Variants in SPECC1L observed in about 807,000 individuals in gnomAD.
SPECC1L encodes the protein sperm antigen with calponin homology and coiled-coil domains 1 like, also known as cytospin-A.
In SPECC1L, 40 loss-of-function variants were observed where a neutral mutation model predicts 116.8. That is an observed-to-expected ratio of 0.34 (90% CI 0.27 to 0.45). The LOEUF is 0.45. Among genes scored for constraint, SPECC1L ranks in the 20% least tolerant of loss-of-function variants. The pLI is 1.00. For synonymous variants in SPECC1L, 504 were observed against 500.6 expected (o/e 1.01, Z -0.09); for missense variants, 1,110 against 1,373.6 (o/e 0.81, Z 3.03).
At chr22:24,345,082 G>T (rs2041262761) in intron 10 of SPECC1L, among the ~76,000 whole-genome samples, 2 of 152,084 alleles carry the variant, frequency 1.3e-5, no homozygotes, top group African/African-American at 2.4e-5. Flanking sequence ...GTTGTGGTCG[G>T]GGGGGTGCGG....
chr22:24,354,352 G>T (rs1334036507), intron 11 of SPECC1L, among the ~76,000 whole-genome samples: 1 of 152,090 alleles, frequency 6.6e-6, no homozygotes, highest in African/African-American at 2.4e-5. Context: ...TTCAGTGGTG[G>T]TTTTCTATTT....
intron 4 of SPECC1L, among the ~76,000 whole-genome samples, chr22:24,317,105 C>T (rs1452170656): frequency 8.7e-6 from 1 of 115,466 alleles, no homozygotes; most frequent in African/African-American, 3.1e-5. Flanking sequence ...CCACCTCCCT[C>T]CTGGACGGGG....
At chr22:24,323,207 C>T (rs2040754327) in intron 5 of SPECC1L, 2 of 677,264 alleles carry the variant, frequency 3.0e-6, no homozygotes, top group African/African-American at 1.9e-5. Flanking sequence ...TCTGAGTATT[C>T]CTATGGAGCG....
chr22:24,398,770 C>G (rs573583299), intron 14 of SPECC1L, among the ~76,000 whole-genome samples: 70 of 152,244 alleles, frequency 4.6e-4, no homozygotes, highest in African/African-American at 1.7e-3. Flanking sequence ...AGTTTCTCCT[C>G]AAACAATCCA....
chr22:24,293,706 G>GTCATACT (rs1478413567), intron 2 of SPECC1L, among the ~76,000 whole-genome samples: 2 of 141,932 alleles, frequency 1.4e-5, no homozygotes, highest in Non-Finnish European at 3.1e-5. Flanking sequence ...CGAGGTGCCT[G>GTCATACT]TCATACTTTG....
intron 6 of SPECC1L, among the ~76,000 whole-genome samples, chr22:24,325,234 C>T (rs1186849328): frequency 6.6e-6 from 1 of 152,178 alleles, no homozygotes; most frequent in Non-Finnish European, 1.5e-5. Flanking sequence ...GTGTCCCTCA[C>T]AGTAGGAACA....
chr22:24,411,878 C>T (rs2042705829), intron 15 of SPECC1L, among the ~76,000 whole-genome samples, 174 bp downstream of exon 15: 1 of 152,270 alleles, frequency 6.6e-6, no homozygotes, highest in South Asian at 2.1e-4. Context: ...AGTCCCTGTC[C>T]CACCTTGTGT....
Position 24,367,233 on chromosome 22 carries a change from T to C in SPECC1L, c.2984+1601T>C, listed in dbSNP as rs1247755085. Among the ~76,000 whole-genome samples the C allele has an allele frequency of 5.9e-5, 9 of 152,224 alleles. No homozygotes were observed. The East Asian group carries it at 9.6e-4, about 16-fold the overall frequency. On this transcript the variant is annotated intron_variant, in intron 13 of 16. Coordinates refer to ENST00000314328, the MANE Select transcript of SPECC1L (RefSeq NM_015330.6). ...TATGTTGAGCCGTGACAAGTTTTTG[T>C]TTGTTTTTTGTTTTTGATGTGCCTT...
intron 14 of SPECC1L, among the ~76,000 whole-genome samples, chr22:24,375,465 C>T (rs571627030): frequency 6.5e-4 from 99 of 152,246 alleles, no homozygotes; most frequent in Non-Finnish European, 1.2e-3. Context: ...TTCTTTATCC[C>T]AGCAATGCAA....
At chr22:24,387,433 C>T (rs908139017) in intron 14 of SPECC1L, among the ~76,000 whole-genome samples, 21 of 152,120 alleles carry the variant, frequency 1.4e-4, no homozygotes, top group African/African-American at 5.1e-4. Context: ...CATTCTGTAT[C>T]TTGATTTGGG....
Position 24,302,442 on chromosome 22 carries a change from A to G in SPECC1L, c.153+58A>G, listed in dbSNP as rs147167117. 4.9e-5 allele frequency: 77 copies of G among 1,587,570 alleles called. 2 individuals are homozygous for G. The African/African-American group carries it at 7.9e-4, about 16-fold the overall frequency. On this transcript the variant is annotated intron_variant, in intron 3 of 16. Coordinates refer to ENST00000314328, the MANE Select transcript of SPECC1L (RefSeq NM_015330.6). ...TTTTGGAGGACTGAATTTAAATATG[A>G]TGTTTAATATATTAAATGAGCATTC...
chr22:24,336,253 A>G (rs1230452959), intron 9 of SPECC1L, among the ~76,000 whole-genome samples: 1 of 148,252 alleles, frequency 6.7e-6, no homozygotes, highest in African/African-American at 2.6e-5. Context: ...GCCAGTACAT[A>G]TATATATATA....
At chr22:24,360,492 C>T (rs1380637433) in intron 11 of SPECC1L, among the ~76,000 whole-genome samples, 1 of 152,102 alleles carries the variant, frequency 6.6e-6, no homozygotes, top group East Asian at 1.9e-4. Flanking sequence ...GGATCCTTAA[C>T]CATGCAGTAA....
intron 6 of SPECC1L, among the ~76,000 whole-genome samples, chr22:24,325,494 T>C (rs934796909): frequency 7.2e-5 from 11 of 152,188 alleles, no homozygotes; most frequent in Non-Finnish European, 1.2e-4. Flanking sequence ...TTTTATTCTG[T>C]CTGAGTATTT....
At chr22:24,288,834 C>T (rs2049102199) in intron 2 of SPECC1L, among the ~76,000 whole-genome samples, 1 of 152,074 alleles carries the variant, frequency 6.6e-6, no homozygotes. Flanking sequence ...CCATGTTGGT[C>T]AGGCTGGTCT....
chr22:24,401,885 A>G (rs1036851249), intron 14 of SPECC1L, among the ~76,000 whole-genome samples: 5 of 152,170 alleles, frequency 3.3e-5, no homozygotes, highest in Non-Finnish European at 7.3e-5. Context: ...AAATCTTTGC[A>G]GTGATTCTAG....
chr22:24,288,611 T>TA lies in SPECC1L; in HGVS notation c.-38+11810dup, dbSNP rs1371346262. 4.9e-5 allele frequency among the ~76,000 whole-genome samples: 7 copies of TA among 143,772 alleles called. No individual in the cohort carries two copies. In the South Asian group the frequency reaches 1.1e-3, roughly 23 times the overall value. 94.3% of individuals were successfully genotyped at this position (143,772 alleles called of 152,430 possible). A position where few individuals can be genotyped will look rare whatever the true frequency, so the allele number is the denominator to read the frequency against. On this transcript the variant is annotated intron_variant, in intron 2 of 16. Coordinates refer to ENST00000314328, the MANE Select transcript of SPECC1L (RefSeq NM_015330.6). ...GAAAGACTTCTCAAATCCAAAATTT[T>TA]AAGCTTTTTTTTTTTTTTTTTTTTT...
intron 14 of SPECC1L, among the ~76,000 whole-genome samples, chr22:24,393,375 A>G (rs569204308): frequency 2.0e-4 from 30 of 152,204 alleles, no homozygotes; most frequent in African/African-American, 7.2e-4. Context: ...AGAATGCTAC[A>G]TGATGTAAGC....
intron 11 of SPECC1L, among the ~76,000 whole-genome samples, chr22:24,354,325 A>G (rs1187242502): frequency 6.6e-6 from 1 of 152,184 alleles, no homozygotes; most frequent in Non-Finnish European, 1.5e-5. Flanking sequence ...TGCCCACAAC[A>G]GTTATTACCG....
Sources: allele counts gnomAD v4.1 joint callset (sites outside exome capture counted in the v4.1 genomes callset), GRCh38; gene constraint gnomAD v4.1.1; transcripts MANE v1.5; gene names NCBI Gene and HGNC (gene_info 2026-07-23, HGNC 2026-07-21).